EYA3: variants seen among roughly 807,000 people sequenced by gnomAD.
EYA3 encodes EYA transcriptional coactivator and phosphatase 3.
EYA3 carries 39 observed loss-of-function variants against 80.0 expected under a neutral mutation model. The ratio of observed to expected loss-of-function variants is 0.49; its 90% CI spans 0.38 to 0.64. EYA3 has a LOEUF of 0.64. EYA3 is among the 30% of genes least tolerant of loss of function. The probability of loss-of-function intolerance (pLI) is 0.00; values close to 1 mark genes in which losing one functional copy is unlikely to be tolerated. For missense variants in EYA3, 523 were observed against 676.1 expected (o/e 0.77, Z 2.51); for synonymous variants, 206 against 232.8 (o/e 0.88, Z 1.05).
At chr1:28,069,667 G>T (rs1644956196) in intron 1 of EYA3, among the ~76,000 whole-genome samples, 1 of 150,870 alleles carries the variant, frequency 6.6e-6, no homozygotes, top group Middle Eastern at 3.4e-3. Flanking sequence ...AGGAAGAGAG[G>T]AGGGGGGAAA....
chr1:28,054,155 A>C (rs1418330139), intron 2 of EYA3, among the ~76,000 whole-genome samples: 1 of 152,200 alleles, frequency 6.6e-6, no homozygotes, highest in African/African-American at 2.4e-5. Flanking sequence ...TTTCACACAA[A>C]AAACAATTTA....
chr1:28,085,986 C>T (rs774166196), intron 1 of EYA3, among the ~76,000 whole-genome samples: 5 of 152,182 alleles, frequency 3.3e-5, no homozygotes, highest in Non-Finnish European at 7.3e-5. Flanking sequence ...TTTCTCTAGT[C>T]ACTCTTTGAA....
In EYA3 at chr1:28,019,884, G is replaced by A. The variant is rs185801648; in HGVS notation, c.500-2645C>T. Among the ~76,000 whole-genome samples the A allele has an allele frequency of 2.1e-3, 312 of 151,764 alleles. 1 individual carries two copies. Among genetic ancestry groups the A allele is most frequent in the African/African-American group, 7.2e-3 (299 of 41,366 alleles). ...CCCGGCTAATGCTGCATTTTTTTTA[G>A]TAGAGATGGGTTTCACCATGTTGGT... is the stretch of plus-strand genomic sequence containing the variant. On this transcript the variant is annotated intron_variant, in intron 7 of 17. Transcript: ENST00000373871.
chr1:28,033,583 TC>T (rs1643269545), intron 6 of EYA3, among the ~76,000 whole-genome samples: 1 of 151,614 alleles, frequency 6.6e-6, no homozygotes, highest in Admixed American at 6.6e-5. Context: ...TAAACATGTA[TC>T]CTTCAAGGTT....
chr1:28,038,719 T>C (rs1643604590), intron 5 of EYA3, 120 bp downstream of exon 5: 1 of 534,964 alleles, frequency 1.9e-6, no homozygotes, highest in South Asian at 3.6e-5. Flanking sequence ...GGAATGACGA[T>C]AGAATAAGAG....
At chr1:27,982,794 C>T (rs574905899) in intron 16 of EYA3, among the ~76,000 whole-genome samples, 1 of 151,888 alleles carries the variant, frequency 6.6e-6, no homozygotes, top group South Asian at 2.1e-4. Flanking sequence ...CCATGTTGGC[C>T]AGGCAGGTGA....
intron 1 of EYA3, among the ~76,000 whole-genome samples, chr1:28,064,771 T>C (rs1644770371): frequency 6.6e-6 from 1 of 152,148 alleles, no homozygotes; most frequent in South Asian, 2.1e-4. Flanking sequence ...TACAGGCATG[T>C]GCCACTGCAT....
chr1:28,019,091 G>T (rs543691407), intron 7 of EYA3, among the ~76,000 whole-genome samples: 1 of 152,062 alleles, frequency 6.6e-6, no homozygotes, highest in South Asian at 2.1e-4. Context: ...ACTTAAACTC[G>T]GGAGGCAGAG....
intron 2 of EYA3, among the ~76,000 whole-genome samples, chr1:28,049,089 AT>A (rs1201360027): frequency 6.6e-6 from 1 of 152,324 alleles, no homozygotes; most frequent in African/African-American, 2.4e-5. Flanking sequence ...AACATGTCTA[AT>A]ATGCTTAGCC....
chr1:28,087,163 A>C (rs1251327144), intron 1 of EYA3, among the ~76,000 whole-genome samples: 1 of 152,208 alleles, frequency 6.6e-6, no homozygotes, highest in Non-Finnish European at 1.5e-5. Context: ...CATCGGGAAA[A>C]AATAAAGATT....
chr1:28,034,787 T>C (rs570706145), intron 6 of EYA3, among the ~76,000 whole-genome samples: 11 of 152,290 alleles, frequency 7.2e-5, no homozygotes, highest in Non-Finnish European at 1.0e-4. Flanking sequence ...ATAAAGCCTA[T>C]AGAAATATAA....
chr1:27,991,310 ACTTG>A (rs1422700115), intron 14 of EYA3, among the ~76,000 whole-genome samples: 2 of 152,172 alleles, frequency 1.3e-5, no homozygotes, highest in African/African-American at 4.8e-5. Flanking sequence ...CTACTTGTCC[ACTTG>A]CTTCAGAACA....
At chr1:28,014,862 T>C (rs1452313560) in intron 8 of EYA3, among the ~76,000 whole-genome samples, 1 of 152,178 alleles carries the variant, frequency 6.6e-6, no homozygotes, top group Non-Finnish European at 1.5e-5. Flanking sequence ...CTAATAAAGC[T>C]GTAAAAAAAC....
chr1:28,080,275 T>A (rs571966845), intron 1 of EYA3, among the ~76,000 whole-genome samples: 1 of 150,794 alleles, frequency 6.6e-6, no homozygotes, highest in South Asian at 2.1e-4. Context: ...TGAAACCGCA[T>A]CTATAAAACA....
intron 6 of EYA3, among the ~76,000 whole-genome samples, chr1:28,034,270 A>C (rs771681419): frequency 4.6e-5 from 7 of 152,166 alleles, no homozygotes; most frequent in Non-Finnish European, 8.8e-5. Flanking sequence ...AATAATAATA[A>C]TTCAAATCAA....
chr1:28,003,904 A>G (rs901981372), intron 11 of EYA3, among the ~76,000 whole-genome samples: 11 of 152,254 alleles, frequency 7.2e-5, no homozygotes, highest in African/African-American at 2.4e-4. Flanking sequence ...TTTTAGAAAG[A>G]TATTTTATCT....
chr1:27,977,109 T>G, intron 17 of EYA3: 1 of 985,364 alleles, frequency 1.0e-6, no homozygotes, highest in Non-Finnish European at 1.2e-6. Context: ...ATACCCTTCT[T>G]CAGACCAGGA....
At chr1:28,014,445 A>AG in intron 8 of EYA3, among the ~76,000 whole-genome samples, 1 of 141,144 alleles carries the variant, frequency 7.1e-6, no homozygotes, top group South Asian at 2.3e-4. Context: ...AAAAAAAAAA[A>AG]GGCCAGGCAC....
intron 8 of EYA3, among the ~76,000 whole-genome samples, chr1:28,014,049 C>T (rs921587609): frequency 2.0e-5 from 3 of 152,052 alleles, no homozygotes; most frequent in Non-Finnish European, 4.4e-5. Context: ...GGTGACAAAG[C>T]GAGACCCTGT....
Sources: gnomAD v4.1 joint callset for allele counts (sites outside exome capture counted in the v4.1 genomes callset) on GRCh38, gnomAD v4.1.1 for gene constraint, MANE v1.5 for transcripts, NCBI Gene and HGNC (gene_info 2026-07-23, HGNC 2026-07-21) for gene names.